SPINK5: variants seen among roughly 807,000 people sequenced by gnomAD.
The protein encoded by SPINK5 is serine protease inhibitor Kazal-type 5.
A neutral mutation model predicts 151.8 loss-of-function variants in SPINK5; 125 were observed. The observed-to-expected ratio is 0.82, with a 90% CI of 0.71 to 0.96. The LOEUF is 0.96. Ranked by LOEUF, SPINK5 falls within the 40% of genes least tolerant of loss-of-function variation. The pLI is 0.00. For synonymous variants in SPINK5, 374 were observed against 395.3 expected, an observed-to-expected ratio of 0.95 and a Z score of 0.64; for missense variants, 1,194 against 1,291.9, an observed-to-expected ratio of 0.92 and a Z score of 1.16.
chr5:148,100,260 G>A (rs1753600717), intron 12 of SPINK5, among the ~76,000 whole-genome samples, 194 bp from the exon 13 acceptor site: 1 of 152,010 alleles, frequency 6.6e-6, no homozygotes, highest in Non-Finnish European at 1.5e-5. Context: ...ATTGTGCTAT[G>A]TTTTATTTTT....
chr5:148,089,706 T>C, intron 7 of SPINK5, 85 bp downstream of exon 7: 1 of 1,594,744 alleles, frequency 6.3e-7, no homozygotes, highest in Non-Finnish European at 8.6e-7. Context: ...GATAAAATCC[T>C]TTTCATGAAG....
intron 12 of SPINK5, among the ~76,000 whole-genome samples, chr5:148,100,182 C>A (rs1170791748): frequency 2.0e-5 from 3 of 151,974 alleles, no homozygotes; most frequent in Non-Finnish European, 4.4e-5. Context: ...CCTGTATGTT[C>A]GTACCTATTT....
intron 31 of SPINK5, 148 bp downstream of exon 31, chr5:148,131,537 ATCTT>A: frequency 8.8e-7 from 1 of 1,141,484 alleles, no homozygotes; most frequent in Non-Finnish European, 1.3e-6. Context: ...TTTGTGAATT[ATCTT>A]TCTTATATGT....
chr5:148,111,921 T>G, intron 19 of SPINK5, 26 bp downstream of exon 19: 1 of 1,613,864 alleles, frequency 6.2e-7, no homozygotes, highest in Non-Finnish European at 8.5e-7. Flanking sequence ...CCACTGCTGC[T>G]ACTGAGTGTG....
intron 7 of SPINK5, among the ~76,000 whole-genome samples, 190 bp downstream of exon 7, chr5:148,089,811 G>A (rs943588123): frequency 2.6e-5 from 4 of 151,812 alleles, no homozygotes; most frequent in Admixed American, 6.6e-5. Context: ...TTTCTTAAAA[G>A]AAGAGAATAA....
At chr5:148,099,386 G>A in intron 12 of SPINK5, 71 bp downstream of exon 12, 1 of 1,380,008 alleles carries the variant, frequency 7.2e-7, no homozygotes, top group East Asian at 2.4e-5. Flanking sequence ...CCTAAAGGGT[G>A]AGATTTTGCC....
chr5:148,123,502 G>T (rs1175891156), intron 26 of SPINK5, among the ~76,000 whole-genome samples: 15 of 71,922 alleles, frequency 2.1e-4, no homozygotes, highest in African/African-American at 9.6e-4. Flanking sequence ...AGCCTGGAGT[G>T]CAGTGGTGCA....
In SPINK5 at chr5:148,094,476, A is replaced by C. The variant is rs772281761; in HGVS notation, c.789A>C (p.Glu263Asp). Residue 263 changes from glutamate (E) to aspartate (D), a missense_variant, in exon 9 of 33, where the codon GAA becomes GAC. Physicochemically the swap from Glu to Asp is conservative, Grantham distance 45 (BLOSUM62 2). Transcript: ENST00000256084. ...GCAACAAATGTGCCCTGTGTGCTGA[A>C]ATTTTGTGAGTATAGAAGTGGTTTT... is the stretch of plus-strand genomic sequence containing the variant. Reference protein sequence around the residue: ...MHGNKCALCAEIFKQRFSEEN... With the variant: ...MHGNKCALCADIFKQRFSEEN... 35 of 1,612,282 alleles carry C rather than the reference A, an allele frequency of 2.2e-5. No homozygotes were observed. The highest frequency in any genetic ancestry group is 2.8e-5 in the Non-Finnish European group (33 of 1,178,896).
chr5:148,066,663 G>A (rs1310069258), intron 2 of SPINK5, among the ~76,000 whole-genome samples: 2 of 152,054 alleles, frequency 1.3e-5, no homozygotes, highest in African/African-American at 4.8e-5. Flanking sequence ...GAATCAGAGA[G>A]CATGCTCACT....
Position 148,136,965 on chromosome 5 carries a change from A to C in SPINK5, c.3187-18A>C. On this transcript the variant is annotated intron_variant, in intron 32 of 32. Coordinates refer to ENST00000256084, the MANE Select transcript of SPINK5 (RefSeq NM_006846.4). ...ATCTCTGGGTTCTAGCATCTAACCT[A>C]CCCATCTTCTCTTCTAGGACGAATG... 6.2e-7 allele frequency: 1 copy of C among 1,613,672 alleles called. No individual in the cohort carries two copies. Among genetic ancestry groups the C allele is most frequent in the Middle Eastern group, 1.7e-4 (1 of 6,060 alleles).
Position 148,094,504 on chromosome 5 carries a change from CAG to C in SPINK5, c.794+26_794+27del, listed in dbSNP as rs1491068292. 2.5e-6 allele frequency: 4 copies of C among 1,611,454 alleles called. No homozygotes were observed. In the African/African-American group the frequency reaches 5.4e-5, roughly 22 times the overall value. ...TTTGTGAGTATAGAAGTGGTTTTTTCAGAGTGATTCAAAGGGTGGGAGTGGAG... is the reference window on the plus strand; with the variant it reads ...TTTGTGAGTATAGAAGTGGTTTTTTCAGTGATTCAAAGGGTGGGAGTGGAG... On this transcript the variant is annotated intron_variant, in intron 9 of 32. Transcript: ENST00000256084.
chr5:148,129,447 G>C (rs1754520095), intron 30 of SPINK5, among the ~76,000 whole-genome samples: 1 of 152,152 alleles, frequency 6.6e-6, no homozygotes, highest in Non-Finnish European at 1.5e-5. Flanking sequence ...GAGGTGGTAA[G>C]ATACTGGGTC....
intron 4 of SPINK5, among the ~76,000 whole-genome samples, chr5:148,072,686 T>C (rs1752771082): frequency 6.7e-6 from 1 of 149,216 alleles, no homozygotes; most frequent in African/African-American, 2.5e-5. Flanking sequence ...TCTCAGGGTT[T>C]AACATGTTCT....
At chr5:148,097,539 C>T (rs1753501431) in intron 10 of SPINK5, among the ~76,000 whole-genome samples, 1 of 151,898 alleles carries the variant, frequency 6.6e-6, no homozygotes, top group African/African-American at 2.4e-5. Flanking sequence ...ATGAATTATT[C>T]TTTTCATTGT....
rs138845995 is a variant in SPINK5 at position 148,094,784 on chromosome 5, A to G, written c.794+303A>G. On this transcript the variant is annotated intron_variant, in intron 9 of 32. Transcript: ENST00000256084. ...GTTTGTGAACTAATTCTAGTATAGA[A>G]TGGGGGTAAAAGCAGGTACCACGAC... Among the ~76,000 whole-genome samples, 194 of 152,066 alleles carry G rather than the reference A, an allele frequency of 1.3e-3. 1 individual carries two copies. The highest frequency in any genetic ancestry group is 4.5e-3 in the African/African-American group (185 of 41,504).
intron 4 of SPINK5, among the ~76,000 whole-genome samples, chr5:148,082,625 T>G (rs1346376487): frequency 4.1e-5 from 2 of 48,640 alleles, no homozygotes; most frequent in Non-Finnish European, 6.9e-5. Context: ...TTTTTTTTTT[T>G]TTTGAGACGG....
At chr5:148,112,678 A>AAAAGCC (rs113307434) in intron 19 of SPINK5, among the ~76,000 whole-genome samples, 190 bp from the exon 20 acceptor site, 2 of 151,476 alleles carry the variant, frequency 1.3e-5, no homozygotes, top group Non-Finnish European at 2.9e-5. Context: ...TCTCAAAAAA[A>AAAAGCC]AACCAAAAAA....
intron 29 of SPINK5, 103 bp downstream of exon 29, chr5:148,125,953 TA>T: frequency 6.5e-7 from 1 of 1,540,080 alleles, no homozygotes. Flanking sequence ...CATGGGATTT[TA>T]AAAATAAGTC....
Position 148,114,268 on chromosome 5 carries a change from C to CTTTTTTTTTTTTTTTT in SPINK5, c.1888-93_1888-92insTTTTTTTTTTTTTTTT. On this transcript the variant is annotated intron_variant, in intron 20 of 32. Transcript: ENST00000256084. The stretch of plus-strand genomic sequence containing the variant: ...AAAAAATTCTCAGGTCATTTTCTCT[C>CTTTTTTTTTTTTTTTT]TCTTTTTTTTTTTTCTATAAAGCAC... 13 of 1,295,958 alleles carry CTTTTTTTTTTTTTTTT rather than the reference C, an allele frequency of 1.0e-5. 5 individuals are homozygous for CTTTTTTTTTTTTTTTT. The highest frequency in any genetic ancestry group is 9.3e-6 in the Non-Finnish European group (9 of 969,148). 80.3% of individuals were successfully genotyped at this position (1,295,958 alleles called of 1,614,324 possible). A position where few individuals can be genotyped will look rare whatever the true frequency, so the allele number is the denominator to read the frequency against.
Sources: gnomAD v4.1 joint callset for allele counts (sites outside exome capture counted in the v4.1 genomes callset) on GRCh38, gnomAD v4.1.1 for gene constraint, MANE v1.5 for transcripts, NCBI Gene and HGNC (gene_info 2026-07-23, HGNC 2026-07-21) for gene names.